SYCP2L: variants seen among roughly 807,000 people sequenced by gnomAD.
The protein encoded by SYCP2L is synaptonemal complex protein 2 like.
In SYCP2L, 98 loss-of-function variants were observed where a neutral mutation model predicts 125.8. The ratio of observed to expected loss-of-function variants is 0.78; its 90% confidence interval spans 0.66 to 0.92. The LOEUF is 0.92. SYCP2L is among the 40% of genes least tolerant of loss of function. The pLI is 0.00. For synonymous variants in SYCP2L, 317 were observed against 325.4 expected (o/e 0.97, Z 0.28); for missense variants, 842 against 936.4 (o/e 0.90, Z 1.32).
chr6:10,911,893 G>GCTTTCTTTTTTTT (rs1329978597), intron 12 of SYCP2L, among the ~76,000 whole-genome samples: 1 of 91,124 alleles, frequency 1.1e-5, no homozygotes, highest in Non-Finnish European at 2.0e-5. Context: ...GGGAATAAAA[G>GCTTTCTTTTTTTT]CTTTTTTTTT....
chr6:10,955,095 A>G, intron 23 of SYCP2L, 21 bp from the exon 24 acceptor site: 1 of 1,549,194 alleles, frequency 6.5e-7, no homozygotes, highest in Non-Finnish European at 8.9e-7. Flanking sequence ...TCAAAAGGAA[A>G]TGTGCTCTGT....
chr6:10,929,198 G>A (rs75183216), intron 18 of SYCP2L, among the ~76,000 whole-genome samples: 7,273 of 152,240 alleles, frequency 0.048, 192 homozygotes, highest in African/African-American at 0.052. Flanking sequence ...GCCGCACCCG[G>A]CTGTGTATTC....
chr6:10,896,711 A>G (rs756233458), intron 4 of SYCP2L, among the ~76,000 whole-genome samples: 4 of 152,316 alleles, frequency 2.6e-5, no homozygotes, highest in African/African-American at 4.8e-5. Context: ...CTTGCTGTAC[A>G]TTACAGTCAC....
At chr6:10,917,062 C>T (rs896954558) in intron 14 of SYCP2L, among the ~76,000 whole-genome samples, 6 of 152,210 alleles carry the variant, frequency 3.9e-5, no homozygotes, top group African/African-American at 7.2e-5. Context: ...GTGGTCTTCT[C>T]ATATGGTCTA....
At chr6:10,916,209 CTT>C (rs1780690934) in intron 14 of SYCP2L, among the ~76,000 whole-genome samples, 1 of 152,096 alleles carries the variant, frequency 6.6e-6, no homozygotes, top group Non-Finnish European at 1.5e-5. Context: ...GATTTTCTCT[CTT>C]CTTTTCTTGG....
chr6:10,891,307 T>C (rs1780167136), intron 1 of SYCP2L, among the ~76,000 whole-genome samples: 1 of 152,182 alleles, frequency 6.6e-6, no homozygotes, highest in African/African-American at 2.4e-5. Flanking sequence ...TCTTAGACCA[T>C]GCTAAAGAAG....
At position 10,893,866 on chromosome 6, in the gene SYCP2L, G is replaced by T. The variant is rs1296770703; in HGVS notation, c.79-1G>T. ...TAATTTGCAAACTATCATCTTTCCA[G>T]CTTCAATCACTTATTACGGATGCAT... On this transcript the variant is annotated splice_acceptor_variant, in intron 2 of 29. Transcript: ENST00000283141. LOFTEE classifies it high-confidence loss of function. 1.9e-6 allele frequency: 3 copies of T among 1,604,958 alleles called. No homozygotes were observed. In the Admixed American group the frequency reaches 5.2e-5, roughly 28 times the overall value.
chr6:10,927,300 T>C lies in SYCP2L; in HGVS notation c.1373T>C (p.Leu458Pro). ...ATGAGTGCTGAAGATGACCGCTGCC[T>C]AATAACTCTCCACTTAAATGACCAA... Reference protein sequence around the residue: ...EFMSAEDDRCLITLHLNDQSE... With the variant: ...EFMSAEDDRCPITLHLNDQSE... Residue 458 changes from leucine (L) to proline (P), a missense_variant, in exon 17 of 30, where the codon CTA (leucine) becomes CCA (proline). By Grantham distance (98) the Leu-to-Pro change is moderately conservative. Transcript: ENST00000283141. 1 of 1,614,206 alleles carries C rather than the reference T, an allele frequency of 6.2e-7. No individual in the cohort carries two copies. Among genetic ancestry groups the C allele is most frequent in the Non-Finnish European group, 8.5e-7 (1 of 1,180,032 alleles).
Position 10,894,352 on chromosome 6 carries a change from C to T in SYCP2L, c.336+148C>T, listed in dbSNP as rs191180213. The T allele has an allele frequency of 2.8e-5, 30 of 1,090,740 alleles. No homozygotes were observed. The East Asian group carries it at 6.5e-4, about 23-fold the overall frequency. The allele number at this position is 1,090,740 out of a possible 1,614,324, so 67.6% of individuals were successfully genotyped here. ...ATCCATTCTTATTGCTTCTGTCTAA[C>T]CAAAAATTAAATTCGACATACATTT... On this transcript the variant is annotated intron_variant, in intron 4 of 29. Coordinates refer to ENST00000283141, the MANE Select transcript of SYCP2L (RefSeq NM_001040274.3).
Position 10,912,177 on chromosome 6 carries a change from C to T in SYCP2L, c.919-496C>T, listed in dbSNP as rs1780622012. On this transcript the variant is annotated intron_variant, in intron 12 of 29. Transcript: ENST00000283141. The surrounding 1 kb of genome is among the most constrained non-coding windows in gnomAD (Gnocchi z 4.1). ...CACCATACTGTTAGAATCTTTCTTCCCCTGTTTTAACTCTAAGCATCTATT... is the reference window on the plus strand; with the variant it reads ...CACCATACTGTTAGAATCTTTCTTCTCCTGTTTTAACTCTAAGCATCTATT... Among the ~76,000 whole-genome samples the T allele has an allele frequency of 6.6e-6, 1 of 151,840 alleles. No individual in the cohort carries two copies. The highest frequency in any genetic ancestry group is 1.5e-5 in the Non-Finnish European group (1 of 67,966).
intron 21 of SYCP2L, among the ~76,000 whole-genome samples, chr6:10,940,757 C>G (rs1781203221): frequency 6.6e-6 from 1 of 152,106 alleles, no homozygotes; most frequent in Non-Finnish European, 1.5e-5. Flanking sequence ...ATGTAATATA[C>G]AGCACAGGTA....
chr6:10,925,455 A>G (rs545026583), intron 15 of SYCP2L, among the ~76,000 whole-genome samples: 4 of 152,212 alleles, frequency 2.6e-5, no homozygotes, highest in Non-Finnish European at 5.9e-5. Flanking sequence ...GTGGTCTCCA[A>G]CTCTCTCTGT....
In SYCP2L at chr6:10,898,814, T is replaced by C; in HGVS notation, c.442-10T>C. On this transcript the variant is annotated splice_polypyrimidine_tract_variant and intron_variant, in intron 5 of 29. Transcript: ENST00000283141. ...TAATATGAGCTTTACTTTTTCTTTC[T>C]TTTTGTTAGATTATTTCCAGGAGTA... is the stretch of plus-strand genomic sequence containing the variant. 1 of 1,386,760 alleles carries C rather than the reference T, an allele frequency of 7.2e-7. No individual in the cohort carries two copies. The allele number at this position is 1,386,760 out of a possible 1,614,324, so 85.9% of individuals were successfully genotyped here.
chr6:10,889,648 T>A (rs1170286383), intron 1 of SYCP2L, among the ~76,000 whole-genome samples: 1 of 150,260 alleles, frequency 6.7e-6, no homozygotes, highest in African/African-American at 2.5e-5. Flanking sequence ...GAGATGGAGT[T>A]TCACTCTTGC....
chr6:10,909,370 T>G (rs1780566220), intron 10 of SYCP2L, among the ~76,000 whole-genome samples: 1 of 152,014 alleles, frequency 6.6e-6, no homozygotes, highest in South Asian at 2.1e-4. Flanking sequence ...TCAGGTGATC[T>G]GCCCGCCTCG....
intron 14 of SYCP2L, among the ~76,000 whole-genome samples, chr6:10,916,534 T>C (rs904503986): frequency 6.6e-6 from 1 of 152,230 alleles, no homozygotes; most frequent in Non-Finnish European, 1.5e-5. Flanking sequence ...TGTCACTCAG[T>C]TCAAAGAATT....
At chr6:10,892,588 GC>G (rs1780192244) in intron 2 of SYCP2L, among the ~76,000 whole-genome samples, 1 of 151,974 alleles carries the variant, frequency 6.6e-6, no homozygotes. Context: ...CGTGAGCCCT[GC>G]GCCTGGTAAT....
intron 4 of SYCP2L, among the ~76,000 whole-genome samples, chr6:10,896,624 G>T (rs543238057): frequency 1.3e-5 from 2 of 152,316 alleles, no homozygotes; most frequent in Admixed American, 1.3e-4. Context: ...GCAGGTGGAT[G>T]ATTCAATCTA....
chr6:10,924,728 A>G (rs1780868160), intron 15 of SYCP2L, 87 bp downstream of exon 15: 1 of 1,215,246 alleles, frequency 8.2e-7, no homozygotes, highest in African/African-American at 1.6e-5. Context: ...TTTGATGTGA[A>G]TATTTGATAA....
Sources: gnomAD v4.1 joint callset for allele counts (sites outside exome capture counted in the v4.1 genomes callset) on GRCh38, gnomAD v4.1.1 for gene constraint, Gnocchi (gnomAD v3.1) non-coding constraint, MANE v1.5 for transcripts, NCBI Gene and HGNC (gene_info 2026-07-23, HGNC 2026-07-21) for gene names.